The following FAM200B variants were observed in gnomAD, a reference collection of about 807,000 sequenced individuals.
FAM200B encodes the protein zinc finger BED-type containing 11, also known as protein FAM200B.
In FAM200B, 32 loss-of-function variants were observed where a neutral mutation model predicts 33.1. That is an observed-to-expected ratio of 0.97 (90% CI 0.73 to 1.30). The LOEUF (loss-of-function observed/expected upper bound fraction) is 1.30. Ranked by LOEUF, FAM200B falls within the 50% of genes most tolerant of loss-of-function variation. The pLI is 0.00. For synonymous variants in FAM200B, 240 were observed against 264.8 expected (o/e 0.91, Z 0.91); for missense variants, 741 against 754.0 (o/e 0.98, Z 0.20).
the FAM200B span, among the ~76,000 whole-genome samples, chr4:15,676,518 G>A: frequency 6.6e-6 from 1 of 152,164 alleles, no homozygotes; most frequent in Non-Finnish European, 1.5e-5. Context: ...TGTGGACATA[G>A]TTTAGCTTCT....
At chr4:15,685,938 A>G (rs1336661773) in intron 1 of FAM200B, among the ~76,000 whole-genome samples, 1 of 152,206 alleles carries the variant, frequency 6.6e-6, no homozygotes, top group East Asian at 1.9e-4. Flanking sequence ...GGAAGTATGT[A>G]TGGTGAATAA....
intron 1 of FAM200B, among the ~76,000 whole-genome samples, chr4:15,685,677 A>G (rs1718766412): frequency 6.6e-6 from 1 of 152,188 alleles, no homozygotes; most frequent in South Asian, 2.1e-4. Flanking sequence ...AGAAAGTACA[A>G]TTAATACAAA....
the FAM200B span, among the ~76,000 whole-genome samples, chr4:15,665,022 C>T: frequency 6.6e-6 from 1 of 152,116 alleles, no homozygotes; most frequent in Non-Finnish European, 1.5e-5. Context: ...CAAAGGGCTT[C>T]TGAATTATCA....
chr4:15,663,778 AT>A, the FAM200B span, among the ~76,000 whole-genome samples: 2 of 152,314 alleles, frequency 1.3e-5, no homozygotes, highest in South Asian at 4.1e-4. Context: ...GAAGCTACAG[AT>A]TCAGTAAGTC....
At chr4:15,649,092 T>C in the FAM200B span, among the ~76,000 whole-genome samples, 1 of 151,784 alleles carries the variant, frequency 6.6e-6, no homozygotes, top group Admixed American at 6.6e-5. Context: ...GTACAACAGG[T>C]TGAAGAAATA....
In FAM200B at chr4:15,688,381, G is replaced by GT; in HGVS notation, c.1406dup (p.Leu469PhefsTer7). 1 of 1,548,778 alleles carries GT rather than the reference G, an allele frequency of 6.5e-7. No individual in the cohort carries two copies. Among genetic ancestry groups the GT allele is most frequent in the Non-Finnish European group, 8.7e-7 (1 of 1,144,716 alleles). On this transcript the variant is annotated frameshift_variant, in exon 2 of 2. Transcript: ENST00000422728. LOFTEE classifies it high-confidence loss of function. ...TCCAGGGATTTCGAAAGACATTATT[G>GT]TTATGGCAAGTAAGACTTAAAAGTA...
At chr4:15,679,859 T>A (rs1239913602), upstream of FAM200B, among the ~76,000 whole-genome samples, 1 of 152,148 alleles carries the variant, frequency 6.6e-6, no homozygotes, top group Admixed American at 6.6e-5. Flanking sequence ...ATATCTATCA[T>A]ATTTGCAAAC....
the FAM200B span, among the ~76,000 whole-genome samples, chr4:15,671,221 G>T: frequency 6.6e-6 from 1 of 151,932 alleles, no homozygotes; most frequent in South Asian, 2.1e-4. Context: ...ACTGCACCTG[G>T]CCTGGGCATG....
At chr4:15,670,914 CTTTTTTTTTTTTTTTT>C in the FAM200B span, among the ~76,000 whole-genome samples, 1 of 54,144 alleles carries the variant, frequency 1.8e-5, no homozygotes, top group Non-Finnish European at 3.1e-5. Flanking sequence ...TGTGCGTAGA[CTTTTTTTTTTTTTTTT>C]TTTTTTTTTT....
intron 1 of FAM200B, among the ~76,000 whole-genome samples, chr4:15,685,913 G>A (rs954938763): frequency 2.0e-5 from 3 of 152,148 alleles, no homozygotes; most frequent in Non-Finnish European, 2.9e-5. Context: ...CAAGATAGGT[G>A]CGGCCAAGCA....
At chr4:15,682,296 A>G (rs1718375651) in intron 1 of FAM200B, among the ~76,000 whole-genome samples, 1 of 152,240 alleles carries the variant, frequency 6.6e-6, no homozygotes, top group South Asian at 2.1e-4. Flanking sequence ...AGTTAGTGGC[A>G]GTATGACAGA....
At chr4:15,662,177 C>T in the FAM200B span, among the ~76,000 whole-genome samples, 17 of 152,254 alleles carry the variant, frequency 1.1e-4, no homozygotes, top group Middle Eastern at 3.4e-3. Context: ...ACCTAATAAA[C>T]GAAGGGATTA....
chr4:15,682,484 T>C (rs1718403020), intron 1 of FAM200B, among the ~76,000 whole-genome samples: 1 of 152,244 alleles, frequency 6.6e-6, no homozygotes, highest in African/African-American at 2.4e-5. Context: ...CGTCTCATTC[T>C]CTTTCCTTTT....
chr4:15,650,330 C>T, the FAM200B span, among the ~76,000 whole-genome samples: 1 of 152,200 alleles, frequency 6.6e-6, no homozygotes, highest in South Asian at 2.1e-4. Flanking sequence ...TCCAGATTCA[C>T]ACGCATCACA....
chr4:15,670,499 TAA>T, the FAM200B span, among the ~76,000 whole-genome samples: 1 of 152,202 alleles, frequency 6.6e-6, no homozygotes, highest in Non-Finnish European at 1.5e-5. Flanking sequence ...TTTTTACATT[TAA>T]AGTGTGTGCC....
At chr4:15,638,396 C>G in the FAM200B span, 16 of 612,244 alleles carry the variant, frequency 2.6e-5, no homozygotes, top group East Asian at 4.4e-4. Flanking sequence ...TTTAACTGAC[C>G]ACAGTGCAGG....
chr4:15,667,708 A>T, the FAM200B span, among the ~76,000 whole-genome samples: 2 of 152,136 alleles, frequency 1.3e-5, no homozygotes, highest in Non-Finnish European at 2.9e-5. Context: ...TAAATAAAAC[A>T]TGAGTTGGCC....
upstream of FAM200B, among the ~76,000 whole-genome samples, chr4:15,681,002 T>C (rs774686352): frequency 6.6e-6 from 1 of 150,728 alleles, no homozygotes; most frequent in South Asian, 2.1e-4. Context: ...AAAAATTTGG[T>C]TTGTGACAAA....
the FAM200B span, among the ~76,000 whole-genome samples, chr4:15,672,865 C>A: frequency 6.6e-6 from 1 of 152,096 alleles, no homozygotes; most frequent in Non-Finnish European, 1.5e-5. Flanking sequence ...TGTTGTACAG[C>A]TGTACAAAAA....
Sources: allele counts gnomAD v4.1 joint callset (sites outside exome capture counted in the v4.1 genomes callset), GRCh38; gene constraint gnomAD v4.1.1; transcripts MANE v1.5; gene names NCBI Gene and HGNC (gene_info 2026-07-23, HGNC 2026-07-21).